CSMD3: variants seen among roughly 807,000 people sequenced by gnomAD.
The protein encoded by CSMD3 is CUB and sushi domain-containing protein 3.
CSMD3 carries 177 observed loss-of-function variants against 435.2 expected under a neutral mutation model. The ratio of observed to expected loss-of-function variants is 0.41; its 90% CI spans 0.36 to 0.46. CSMD3 has a LOEUF of 0.46. CSMD3 is among the 20% of genes least tolerant of loss of function. The pLI, the probability that CSMD3 is intolerant of heterozygous loss-of-function variation, is 0.34. For missense variants in CSMD3, 4,265 were observed against 4,504.6 expected (o/e 0.95, Z 1.52); for synonymous variants, 1,656 against 1,520.5 (o/e 1.09, Z -2.07).
intron 3 of CSMD3, among the ~76,000 whole-genome samples, chr8:113,216,772 T>G (rs2092910989): frequency 6.6e-6 from 1 of 151,780 alleles, no homozygotes; most frequent in Non-Finnish European, 1.5e-5. Context: ...CTGAGAAGCT[T>G]TAGACTGAAA....
intron 13 of CSMD3, among the ~76,000 whole-genome samples, chr8:112,720,074 A>T (rs990344340): frequency 1.3e-5 from 2 of 152,106 alleles, no homozygotes; most frequent in Non-Finnish European, 2.9e-5. Flanking sequence ...TCCAGTCATG[A>T]CTTCAAGAGC....
intron 1 of CSMD3, among the ~76,000 whole-genome samples, chr8:113,336,223 T>C (rs146683958): frequency 2.2e-3 from 340 of 152,240 alleles, no homozygotes; most frequent in African/African-American, 7.8e-3. Context: ...GAGCTTTTCA[T>C]ACTACTTATT....
chr8:112,852,462 T>G (rs903555840), intron 11 of CSMD3, among the ~76,000 whole-genome samples: 1 of 152,278 alleles, frequency 6.6e-6, no homozygotes, highest in African/African-American at 2.4e-5. Flanking sequence ...ATCTTTTAAT[T>G]TTTAAAGGCA....
intron 7 of CSMD3, among the ~76,000 whole-genome samples, chr8:112,972,916 G>A (rs1312630352): frequency 6.6e-6 from 1 of 151,904 alleles, no homozygotes; most frequent in African/African-American, 2.4e-5. Context: ...AACCTTCCTA[G>A]AGGTAACAAT....
rs563143136 is a variant in CSMD3 at position 112,938,843 on chromosome 8, T to A, written c.1508+8947A>T. Reference sequence around the variant, plus strand: ...AAGCAAGGGGGAAAAAGGATCAAATTGCAAGCCATACTCCCTGGGTACAAG... The same window carrying A: ...AAGCAAGGGGGAAAAAGGATCAAATAGCAAGCCATACTCCCTGGGTACAAG... On this transcript the variant is annotated intron_variant, in intron 9 of 70. Transcript: ENST00000297405. Among the ~76,000 whole-genome samples, 9 of 152,206 alleles carry A rather than the reference T, an allele frequency of 5.9e-5. No homozygotes were observed. The South Asian group carries it at 1.9e-3, about 32-fold the overall frequency.
At chr8:112,427,839 T>A (rs957317704) in intron 32 of CSMD3, among the ~76,000 whole-genome samples, 3 of 152,190 alleles carry the variant, frequency 2.0e-5, no homozygotes, top group South Asian at 2.1e-4. Flanking sequence ...CTTCATTACA[T>A]CTTCAATGCA....
intron 35 of CSMD3, among the ~76,000 whole-genome samples, chr8:112,395,100 C>T (rs7003247): frequency 0.36 from 54,104 of 151,986 alleles, 13,332 homozygotes; most frequent in African/African-American, 0.7. Flanking sequence ...TTAGCAGATA[C>T]GCAATACCAC....
rs1003681563 is a variant in CSMD3, at chr8:113,303,603, C to T, written c.401+10968G>A. On this transcript the variant is annotated intron_variant, in intron 2 of 70. Transcript: ENST00000297405. ...AACAGAACAGAGCCCTCAGAAATAA[C>T]GCCACATACCTACAACTATCTGATC... Among the ~76,000 whole-genome samples, 31 of 143,330 alleles carry T rather than the reference C, an allele frequency of 2.2e-4. No individual in the cohort carries two copies. In the South Asian group the frequency reaches 4.9e-3, roughly 23 times the overall value. 94.0% of individuals were successfully genotyped at this position (143,330 alleles called of 152,430 possible). A position where few individuals can be genotyped will look rare whatever the true frequency, so the allele number is the denominator to read the frequency against.
intron 6 of CSMD3, among the ~76,000 whole-genome samples, chr8:113,010,926 C>A (rs2086234454): frequency 6.6e-6 from 1 of 151,526 alleles, no homozygotes; most frequent in Non-Finnish European, 1.5e-5. Flanking sequence ...ATCCTAAATC[C>A]TGTGACGATT....
chr8:112,366,096 C>A (rs995194261), intron 38 of CSMD3, among the ~76,000 whole-genome samples: 4 of 152,102 alleles, frequency 2.6e-5, no homozygotes, highest in African/African-American at 9.7e-5. Flanking sequence ...AAAGCACAAC[C>A]AAAGCAATGG....
chr8:113,385,147 T>TCCTAAAAC (rs2094434054), intron 1 of CSMD3, among the ~76,000 whole-genome samples: 2 of 152,042 alleles, frequency 1.3e-5, no homozygotes, highest in African/African-American at 4.8e-5. Context: ...AACCCTAAAA[T>TCCTAAAAC]CCTAAAACCC....
rs71281204 is a variant in CSMD3 at position 113,168,519 on chromosome 8, CAAAAAAAAA to C, written c.709+5194_709+5202del. ...CTGGTGACAGAGCAAGACTCTGTCTCAAAAAAAAAAAAAAAAAAAAAAAAAAAACTACAG... is the reference window on the plus strand; with the variant it reads ...CTGGTGACAGAGCAAGACTCTGTCTCAAAAAAAAAAAAAAAAAAACTACAG... On this transcript the variant is annotated intron_variant, in intron 4 of 70. Coordinates refer to ENST00000297405, the MANE Select transcript of CSMD3 (RefSeq NM_198123.2). 5.9e-4 allele frequency among the ~76,000 whole-genome samples: 10 copies of C among 17,016 alleles called. No individual in the cohort carries two copies. The East Asian group carries it at 0.021, about 35-fold the overall frequency. 11.2% of individuals were successfully genotyped at this position (17,016 alleles called of 152,430 possible). A position where few individuals can be genotyped will look rare whatever the true frequency, so the allele number is the denominator to read the frequency against.
intron 30 of CSMD3, among the ~76,000 whole-genome samples, chr8:112,497,008 T>C (rs1255650114): frequency 6.6e-6 from 1 of 152,168 alleles, no homozygotes; most frequent in East Asian, 1.9e-4. Flanking sequence ...GAAACCCCGT[T>C]TACCCTCGTG....
At chr8:112,714,986 T>A (rs1002769421) in intron 13 of CSMD3, among the ~76,000 whole-genome samples, 1 of 151,966 alleles carries the variant, frequency 6.6e-6, no homozygotes, top group Non-Finnish European at 1.5e-5. Context: ...AGATCTTAAA[T>A]CAACACCCTA....
At chr8:112,882,849 TAACAGG>T (rs1270843242) in intron 10 of CSMD3, among the ~76,000 whole-genome samples, 1 of 152,006 alleles carries the variant, frequency 6.6e-6, no homozygotes, top group African/African-American at 2.4e-5. Flanking sequence ...AGACTTTTCA[TAACAGG>T]AACTCCAAGA....
intron 27 of CSMD3, among the ~76,000 whole-genome samples, chr8:112,541,312 A>G (rs912215028): frequency 2.0e-5 from 3 of 151,934 alleles, no homozygotes; most frequent in African/African-American, 7.2e-5. Context: ...ATAGAAAAAC[A>G]ATTAAAAAAT....
chr8:112,231,260 C>T (rs549728520), intron 69 of CSMD3, among the ~76,000 whole-genome samples: 12 of 152,286 alleles, frequency 7.9e-5, no homozygotes, highest in African/African-American at 2.6e-4. Flanking sequence ...TCTTTTTTAT[C>T]TATATCACTT....
In CSMD3 at chr8:112,996,064, G is replaced by T. The variant is rs921599992; in HGVS notation, c.1031-19916C>A. Among the ~76,000 whole-genome samples the T allele has an allele frequency of 3.3e-5, 5 of 151,500 alleles. No individual in the cohort carries two copies. In the East Asian group the frequency reaches 9.7e-4, roughly 29 times the overall value. ...ATGTATGGTGGAATGGCTAAGTTAAGCTAATTAATATATGAATTATGTCAT... is the reference window on the plus strand; with the variant it reads ...ATGTATGGTGGAATGGCTAAGTTAATCTAATTAATATATGAATTATGTCAT... On this transcript the variant is annotated intron_variant, in intron 6 of 70. Transcript: ENST00000297405.
Position 112,792,184 on chromosome 8 carries a change from G to C in CSMD3, c.1972+7978C>G, listed in dbSNP as rs1425203161. On this transcript the variant is annotated intron_variant, in intron 13 of 70. Transcript: ENST00000297405. ...TTGATGATCAAATACTTTTAATTTT[G>C]ATGAAGTCCAATTTATCAATTTTTT... Among the ~76,000 whole-genome samples, 3 of 151,984 alleles carry C rather than the reference G, an allele frequency of 2.0e-5. No individual in the cohort carries two copies. In the East Asian group the frequency reaches 5.8e-4, roughly 29 times the overall value.
Sources: allele counts gnomAD v4.1 joint callset (sites outside exome capture counted in the v4.1 genomes callset), GRCh38; gene constraint gnomAD v4.1.1; transcripts MANE v1.5; gene names NCBI Gene and HGNC (gene_info 2026-07-23, HGNC 2026-07-21).